The following RAB5IF variants were observed in gnomAD, a reference collection of about 807,000 sequenced individuals.
RAB5IF encodes the protein RAB5 interacting factor.
Under a neutral mutation model 20.3 loss-of-function variants are expected in RAB5IF, and 15 were observed. The observed-to-expected ratio is 0.74, with a 90% CI of 0.50 to 1.14. RAB5IF has a LOEUF of 1.14. Among genes scored for constraint, RAB5IF ranks in the 50% most tolerant of loss-of-function variants. The pLI is 0.00. For missense variants in RAB5IF, 148 were observed against 159.5 expected (o/e 0.93, Z 0.39); for synonymous variants, 67 against 63.7 (o/e 1.05, Z -0.25).
chr20:36,609,712 C>T lies in RAB5IF; in HGVS notation c.330C>T (p.Thr110=), dbSNP rs1280484818. The change falls in exon 3 of 4, where the codon ACC becomes ACT. Residue 110 remains threonine, a synonymous_variant. Transcript: ENST00000344795. The part of the protein sequence containing the change: ...TWELTKEGFM[T]SFALFMVIWI... ...AGCTCACGAAGGAAGGGTTTATGAC[C>T]TCTTTTGCCTTGTTCATGGTATGTG... 2 of 1,614,162 alleles carry T rather than the reference C, an allele frequency of 1.2e-6. No individual in the cohort carries two copies. Among genetic ancestry groups the T allele is most frequent in the Non-Finnish European group, 1.7e-6 (2 of 1,180,022 alleles).
chr20:36,612,322 C>T lies in RAB5IF; in HGVS notation c.*271C>T, dbSNP rs1314648946. 1 of 1,102,848 alleles carries T rather than the reference C, an allele frequency of 9.1e-7. No homozygotes were observed. Among genetic ancestry groups the T allele is most frequent in the Non-Finnish European group, 1.4e-6 (1 of 728,948 alleles). The allele number at this position is 1,102,848 out of a possible 1,614,324, so 68.3% of individuals were successfully genotyped here. A position where few individuals can be genotyped will look rare whatever the true frequency, so the allele number is the denominator to read the frequency against. Reference sequence around the variant, plus strand: ...ACCATCAAGTAACAGCTATTATTTGCCAAGTGGAGCTGTCATTTAATTTGA... The same window carrying T: ...ACCATCAAGTAACAGCTATTATTTGTCAAGTGGAGCTGTCATTTAATTTGA... On this transcript the variant is annotated 3_prime_UTR_variant, in exon 4 of 4. Transcript: ENST00000344795.
chr20:36,612,488 A>G lies in RAB5IF; in HGVS notation c.*437A>G. On this transcript the variant is annotated 3_prime_UTR_variant, in exon 4 of 4. Transcript: ENST00000344795. ...GCGTGGTCCATAGCACAGTACATGC[A>G]GCATCTAATAAGAGTTTCCATTGTA... 1 of 511,414 alleles carries G rather than the reference A, an allele frequency of 2.0e-6. No homozygotes were observed. Among genetic ancestry groups the G allele is most frequent in the Non-Finnish European group, 3.5e-6 (1 of 282,122 alleles). 31.7% of individuals were successfully genotyped at this position (511,414 alleles called of 1,614,324 possible).
rs1555790821 is a variant in RAB5IF at position 36,609,211 on chromosome 20, G to GCGCA, written c.219-389_219-388insGCAC. ...CACACACACGCACACACGCACACAC[G>GCGCA]CACACACGCACACACACACACACAC... is the stretch of plus-strand genomic sequence containing the variant. On this transcript the variant is annotated intron_variant, in intron 2 of 3. Transcript: ENST00000344795. Among the ~76,000 whole-genome samples the GCGCA allele has an allele frequency of 5.5e-5, 2 of 36,586 alleles. 1 individual carries two copies. The highest frequency in any genetic ancestry group is 2.3e-4 in the African/African-American group (2 of 8,526). The allele number at this position is 36,586 out of a possible 152,430, so 24.0% of individuals were successfully genotyped here.
chr20:36,612,055 T>A lies in RAB5IF; in HGVS notation c.*4T>A, dbSNP rs746541430. ...CACTGCCATCCATTATGACTGATGG[T>A]GTACAGCTCCCAAGTGCTCCCTATC... On this transcript the variant is annotated 3_prime_UTR_variant, in exon 4 of 4. Coordinates refer to ENST00000344795, the MANE Select transcript of RAB5IF (RefSeq NM_018840.5). The A allele has an allele frequency of 3.9e-5, 63 of 1,614,082 alleles. No homozygotes were observed. The highest frequency in any genetic ancestry group is 5.3e-5 in the Non-Finnish European group (63 of 1,180,046).
intron 2 of RAB5IF, 135 bp from the exon 3 acceptor site, chr20:36,609,466 C>T (rs1288136029): frequency 7.7e-7 from 1 of 1,300,376 alleles, no homozygotes; most frequent in South Asian, 1.6e-5. Context: ...TCTTGAACTC[C>T]TGACCGCAAG....
At chr20:36,608,013 A>C in intron 2 of RAB5IF, 195 bp downstream of exon 2, 1 of 1,442,156 alleles carries the variant, frequency 6.9e-7, no homozygotes. Flanking sequence ...CAGGCAGGTT[A>C]CCTTCCTGCC....
intron 2 of RAB5IF, 39 bp downstream of exon 2, chr20:36,607,857 C>T (rs749902558): frequency 6.2e-7 from 1 of 1,610,530 alleles, no homozygotes; most frequent in Non-Finnish European, 8.5e-7. Context: ...GGTATCATTT[C>T]TTTTTAAATA....
chr20:36,608,866 A>G (rs1269688254), intron 2 of RAB5IF, among the ~76,000 whole-genome samples: 1 of 151,606 alleles, frequency 6.6e-6, no homozygotes. Context: ...TGCCCGGCTC[A>G]TTGCTGTTCC....
At chr20:36,609,251 A>ACACACACACACC (rs2039043283) in intron 2 of RAB5IF, among the ~76,000 whole-genome samples, 1 of 134,938 alleles carries the variant, frequency 7.4e-6, no homozygotes, top group Non-Finnish European at 1.5e-5. Flanking sequence ...ACACACACAC[A>ACACACACACACC]CACACTATAT....
chr20:36,608,057 G>C, intron 2 of RAB5IF: 1 of 1,053,834 alleles, frequency 9.5e-7, no homozygotes. Context: ...TTCATTCATG[G>C]GTCTAAAGTG....
chr20:36,606,047 C>T lies in RAB5IF; in HGVS notation c.96C>T (p.Asp32=), dbSNP rs372631676. ...TCTGGAGTAAGGTGCTGCGGAGCGA[C>T]GCGGCCTGGGAGGATAAGGTACGGT... is the stretch of plus-strand genomic sequence containing the variant. ...VSVWSKVLRS[D]AAWEDKDEFL... is the part of the protein sequence containing the mutation. The change falls in exon 1 of 4, where the codon GAC becomes GAT. Residue 32 remains aspartate (D), a synonymous_variant. Coordinates refer to ENST00000344795, the MANE Select transcript of RAB5IF (RefSeq NM_018840.5). 2.6e-6 allele frequency: 4 copies of T among 1,514,060 alleles called. No individual in the cohort carries two copies. Among genetic ancestry groups the T allele is most frequent in the South Asian group, 2.5e-5 (2 of 80,100 alleles). 93.8% of individuals were successfully genotyped at this position (1,514,060 alleles called of 1,614,324 possible).
chr20:36,609,092 C>G (rs940968859), intron 2 of RAB5IF, among the ~76,000 whole-genome samples: 4 of 150,840 alleles, frequency 2.7e-5, no homozygotes, highest in African/African-American at 9.8e-5. Context: ...AGGCCCATGT[C>G]AGGTCCCGCT....
chr20:36,612,336 CATTTA>C lies in RAB5IF; in HGVS notation c.*290_*294del, dbSNP rs1186982298. 6.2e-6 allele frequency: 6 copies of C among 971,756 alleles called. No individual in the cohort carries two copies. The highest frequency in any genetic ancestry group is 4.8e-5 in the East Asian group (2 of 41,492). The allele number at this position is 971,756 out of a possible 1,614,324, so 60.2% of individuals were successfully genotyped here. On this transcript the variant is annotated 3_prime_UTR_variant, in exon 4 of 4. Coordinates refer to ENST00000344795, the MANE Select transcript of RAB5IF (RefSeq NM_018840.5). The stretch of plus-strand genomic sequence containing the variant: ...GCTATTATTTGCCAAGTGGAGCTGT[CATTTA>C]ATTTGATGCACCTCTGGATTCAGAT...
At chr20:36,609,342 C>G (rs961981569) in intron 2 of RAB5IF, among the ~76,000 whole-genome samples, 1 of 151,482 alleles carries the variant, frequency 6.6e-6, no homozygotes, top group Non-Finnish European at 1.5e-5. Context: ...TGGGTTCAAG[C>G]AGTTCTCCTG....
chr20:36,607,845 A>G (rs1277207593), intron 2 of RAB5IF, 27 bp downstream of exon 2: 3 of 1,612,076 alleles, frequency 1.9e-6, no homozygotes, highest in Non-Finnish European at 2.5e-6. Flanking sequence ...TTATATTTTC[A>G]TGGTATCATT....
Position 36,609,235 on chromosome 20 carries a change from ACACACACACACACACACACAC to A in RAB5IF, c.219-365_219-345del, listed in dbSNP as rs1568595693. Among the ~76,000 whole-genome samples the A allele has an allele frequency of 1.5e-4, 20 of 129,136 alleles. 1 individual carries two copies. Among genetic ancestry groups the A allele is most frequent in the African/African-American group, 6.8e-4 (20 of 29,398 alleles). 84.7% of individuals were successfully genotyped at this position (129,136 alleles called of 152,430 possible). On this transcript the variant is annotated intron_variant, in intron 2 of 3. Coordinates refer to ENST00000344795, the MANE Select transcript of RAB5IF (RefSeq NM_018840.5). ...CGCACACACGCACACACACACACAC[ACACACACACACACACACACAC>A]TATATATAGAGTTTCGCTGTTGCCC... is the stretch of plus-strand genomic sequence containing the variant.
Position 36,607,720 on chromosome 20 carries a change from AT to A in RAB5IF, c.125del (p.Leu42Ter), listed in dbSNP as rs779771385. On this transcript the variant is annotated frameshift_variant, in exon 2 of 4. Coordinates refer to ENST00000344795, the MANE Select transcript of RAB5IF (RefSeq NM_018840.5). LOFTEE classifies it high-confidence loss of function. ...SDAAWEDKDE[F>X]LDVIYWFRQI... The stretch of plus-strand genomic sequence containing the variant: ...ATTTTCTGTCTTTTCTACAGGATGA[AT>A]TTTTAGATGTGATCTACTGGTTCCG... The A allele has an allele frequency of 2.5e-6, 4 of 1,613,802 alleles. No individual in the cohort carries two copies. The Admixed American group carries it at 6.7e-5, about 27-fold the overall frequency.
intron 2 of RAB5IF, 79 bp downstream of exon 2, chr20:36,607,897 C>T: frequency 6.3e-7 from 1 of 1,585,426 alleles, no homozygotes; most frequent in South Asian, 1.1e-5. Context: ...CAGGAAAGGC[C>T]ATTGCTGCTC....
intron 3 of RAB5IF, 63 bp from the exon 4 acceptor site, chr20:36,611,942 TTTTTG>T: frequency 3.1e-6 from 5 of 1,601,376 alleles, no homozygotes; most frequent in Non-Finnish European, 3.4e-6. Context: ...TCATCTGGCA[TTTTTG>T]TTTTGTGGAA....
Sources: allele counts gnomAD v4.1 joint callset (sites outside exome capture counted in the v4.1 genomes callset), GRCh38; gene constraint gnomAD v4.1.1; transcripts MANE v1.5; gene names NCBI Gene and HGNC (gene_info 2026-07-23, HGNC 2026-07-21).